The following ANXA11 variants were observed in gnomAD, a reference collection of about 807,000 sequenced individuals.
ANXA11 encodes the protein annexin A11.
A neutral mutation model predicts 64.7 loss-of-function variants in ANXA11; 57 were observed. The observed-to-expected ratio is 0.88, with a 90% CI of 0.71 to 1.10. The LOEUF (loss-of-function observed/expected upper bound fraction) is 1.10, where lower values mean the gene tolerates loss of function less well. ANXA11 is among the 50% of genes least tolerant of loss of function. ANXA11 has a pLI of 0.00. For missense variants in ANXA11, 675 were observed against 670.7 expected, an observed-to-expected ratio of 1.01 and a Z score of -0.07; for synonymous variants, 260 against 265.2, an observed-to-expected ratio of 0.98 and a Z score of 0.19.
At chr10:80,204,047 G>T (rs1840564253) in intron 1 of ANXA11, among the ~76,000 whole-genome samples, 1 of 152,240 alleles carries the variant, frequency 6.6e-6, no homozygotes, top group Non-Finnish European at 1.5e-5. Context: ...CCGTACCTGA[G>T]CTCTGTATTG....
chr10:80,162,787 C>T (rs1049348648), intron 11 of ANXA11, among the ~76,000 whole-genome samples: 1 of 152,188 alleles, frequency 6.6e-6, no homozygotes, highest in African/African-American at 2.4e-5. Flanking sequence ...CTCCACCCCA[C>T]CAGGAAGTAA....
Position 80,169,350 on chromosome 10 carries a change from G to C in ANXA11, c.180C>G (p.Asn60Lys). ...NQDYLSGMAA[N>K]MSGTFGGANM... ...TGGCTCCTCCAAATGTCCCAGACAT[G>C]TTGGCCGCCTGCAAGGACACAAAGC... Residue 60 changes from asparagine (N) to lysine (K), a missense_variant, in exon 5 of 16, where the codon AAC (asparagine) becomes AAG (lysine). Coordinates refer to ENST00000422982, the MANE Select transcript of ANXA11 (RefSeq NM_145868.2). 1 of 1,605,914 alleles carries C rather than the reference G, an allele frequency of 6.2e-7. No homozygotes were observed. The highest frequency in any genetic ancestry group is 1.1e-5 in the South Asian group (1 of 90,994).
intron 1 of ANXA11, among the ~76,000 whole-genome samples, chr10:80,195,254 C>T (rs1846937351): frequency 6.6e-6 from 1 of 152,186 alleles, no homozygotes; most frequent in Admixed American, 6.5e-5. Context: ...CCTCAGGAAA[C>T]CTTTCCAAAT....
intron 12 of ANXA11, among the ~76,000 whole-genome samples, chr10:80,159,485 G>A (rs1262446549): frequency 6.6e-6 from 1 of 152,140 alleles, no homozygotes; most frequent in Non-Finnish European, 1.5e-5. Flanking sequence ...GGGAGAAACC[G>A]GCACCCCACT....
In ANXA11 at chr10:80,153,413, C is replaced by A. The variant is rs932863451; in HGVS notation, c.*2440G>T. 6.6e-5 allele frequency: 10 copies of A among 152,158 alleles called. No individual in the cohort carries two copies. The highest frequency in any genetic ancestry group is 5.9e-4 in the Admixed American group (9 of 15,276). The allele number at this position is 152,158 out of a possible 1,614,324, so 9.4% of individuals were successfully genotyped here. A position where few individuals can be genotyped will look rare whatever the true frequency, so the allele number is the denominator to read the frequency against. On this transcript the variant is annotated 3_prime_UTR_variant, in exon 16 of 16. Coordinates refer to ENST00000422982, the MANE Select transcript of ANXA11 (RefSeq NM_145868.2). The stretch of plus-strand genomic sequence containing the variant: ...AAATGTCTAAAAACACTTTGGAAAC[C>A]AAAGTAAATGTGTCTGTAGGTGCAA...
At chr10:80,176,085 A>G (rs1846158964) in intron 2 of ANXA11, 22 bp downstream of exon 2, 1 of 152,170 alleles carries the variant, frequency 6.6e-6, no homozygotes, top group Non-Finnish European at 1.5e-5. Context: ...ATACAAAGAT[A>G]TCAAAACTTA....
intron 1 of ANXA11, among the ~76,000 whole-genome samples, chr10:80,200,778 C>A (rs574089246): frequency 6.6e-6 from 1 of 152,298 alleles, no homozygotes; most frequent in African/African-American, 2.4e-5. Context: ...CTCCTGTAAT[C>A]CCAGCACTTT....
In ANXA11 at chr10:80,185,533, T is replaced by A. The variant is rs550285988; in HGVS notation, c.-57-9378A>T. Among the ~76,000 whole-genome samples the A allele has an allele frequency of 4.6e-5, 7 of 152,354 alleles. No homozygotes were observed. In the South Asian group the frequency reaches 1.4e-3, roughly 32 times the overall value. ...ACAGCGTAATAAAAGCTCTGATAAA[T>A]CCTGTAACAAAAGTGCCTGCTTAAC... On this transcript the variant is annotated intron_variant, in intron 1 of 15. Coordinates refer to ENST00000422982, the MANE Select transcript of ANXA11 (RefSeq NM_145868.2).
intron 1 of ANXA11, among the ~76,000 whole-genome samples, 190 bp from the exon 2 acceptor site, chr10:80,176,345 G>C (rs533661294): frequency 6.6e-6 from 1 of 152,322 alleles, no homozygotes; most frequent in African/African-American, 2.4e-5. Flanking sequence ...TCAAGGTGCA[G>C]TACTGTGTAT....
chr10:80,178,051 C>T lies in ANXA11; in HGVS notation c.-57-1896G>A, dbSNP rs187595915. On this transcript the variant is annotated intron_variant, in intron 1 of 15. Transcript: ENST00000422982. ...TCTGCATTTTTTCAAAAGAGGCTAC[C>T]GCAAGGGGCTGTCCTTGGAGAAGTC... is the stretch of plus-strand genomic sequence containing the variant. Among the ~76,000 whole-genome samples, 489 of 152,250 alleles carry T rather than the reference C, an allele frequency of 3.2e-3. 15 individuals are homozygous for T. Among genetic ancestry groups the T allele is most frequent in the Admixed American group, 0.025 (387 of 15,292 alleles).
intron 4 of ANXA11, 80 bp from the exon 5 acceptor site, chr10:80,169,438 A>C (rs1845889439): frequency 1.3e-6 from 2 of 1,510,416 alleles, no homozygotes; most frequent in Non-Finnish European, 1.8e-6. Context: ...TACCTAAGCC[A>C]AGTCAGTCCT....
At chr10:80,163,504 G>C in intron 10 of ANXA11, 30 bp downstream of exon 10, 1 of 1,598,500 alleles carries the variant, frequency 6.3e-7, no homozygotes, top group Non-Finnish European at 8.5e-7. Context: ...CATGGCTTGG[G>C]GGCCCCGAGC....
intron 11 of ANXA11, among the ~76,000 whole-genome samples, chr10:80,162,612 C>T (rs376614142): frequency 6.6e-5 from 10 of 152,250 alleles, no homozygotes; most frequent in African/African-American, 2.4e-4. Flanking sequence ...GCAAAAGGAC[C>T]AGACCAGAGG....
Position 80,169,103 on chromosome 10 carries a change from C to A in ANXA11, c.427G>T (p.Ala143Ser). 1 of 1,537,662 alleles carries A rather than the reference C, an allele frequency of 6.5e-7. No homozygotes were observed. Among genetic ancestry groups the A allele is most frequent in the South Asian group, 1.3e-5 (1 of 76,842 alleles). ...MPPPGQQPPG[A>S]YPGQPPVTYP... Reference sequence around the variant, plus strand: ...GTCACTGGTGGCTGCCCAGGGTAGGCCCCTGGGGGCTGCTGTCCGGGGGGT... The same window carrying A: ...GTCACTGGTGGCTGCCCAGGGTAGGACCCTGGGGGCTGCTGTCCGGGGGGT... The change falls in exon 5 of 16, where the codon GCC becomes TCC. Residue 143 changes from alanine (A) to serine (S), a missense_variant. Physicochemically the swap from Ala to Ser is moderately conservative, Grantham distance 99. Coordinates refer to ENST00000422982, the MANE Select transcript of ANXA11 (RefSeq NM_145868.2).
intron 1 of ANXA11, among the ~76,000 whole-genome samples, chr10:80,196,383 T>C (rs1052435575): frequency 3.9e-5 from 6 of 152,174 alleles, no homozygotes; most frequent in Admixed American, 1.3e-4. Flanking sequence ...TGTGAGGCCC[T>C]TGACACATAC....
chr10:80,181,382 A>C (rs1846348908), intron 1 of ANXA11: 1 of 152,176 alleles, frequency 6.6e-6, no homozygotes, highest in African/African-American at 2.4e-5. Flanking sequence ...GAATCATTTG[A>C]GCCTGGGAGG....
intron 2 of ANXA11, among the ~76,000 whole-genome samples, chr10:80,173,735 A>G (rs1054567512): frequency 2.6e-5 from 4 of 152,214 alleles, no homozygotes; most frequent in African/African-American, 9.6e-5. Flanking sequence ...AGAGACACCC[A>G]ATGGCAGGCG....
At chr10:80,196,818 T>C (rs1840191745) in intron 1 of ANXA11, among the ~76,000 whole-genome samples, 1 of 152,156 alleles carries the variant, frequency 6.6e-6, no homozygotes, top group African/African-American at 2.4e-5. Flanking sequence ...CTGTAGCGTA[T>C]GTTAATCATT....
rs987872160 is a variant in ANXA11 at position 80,153,322 on chromosome 10, G to T, written c.*2531C>A. 2 of 152,206 alleles carry T rather than the reference G, an allele frequency of 1.3e-5. No individual in the cohort carries two copies. Among genetic ancestry groups the T allele is most frequent in the African/African-American group, 4.8e-5 (2 of 41,460 alleles). 9.4% of individuals were successfully genotyped at this position (152,206 alleles called of 1,614,324 possible). ...TGCCAGAATTTCTGAGTTTTCAAGA[G>T]AAGCCAGAATTCCAGATTTTTAAAA... On this transcript the variant is annotated 3_prime_UTR_variant, in exon 16 of 16. Transcript: ENST00000422982.
Sources: allele counts gnomAD v4.1 joint callset (sites outside exome capture counted in the v4.1 genomes callset), GRCh38; gene constraint gnomAD v4.1.1; transcripts MANE v1.5; gene names NCBI Gene and HGNC (gene_info 2026-07-23, HGNC 2026-07-21).